The following SEC24A variants were observed in gnomAD, a reference collection of about 807,000 sequenced individuals.
The protein encoded by SEC24A is protein transport protein Sec24A.
SEC24A carries 93 observed loss-of-function variants against 129.4 expected under a neutral mutation model. The observed-to-expected ratio is 0.72, with a 90% CI of 0.61 to 0.85. The LOEUF (loss-of-function observed/expected upper bound fraction) is 0.85. Among genes scored for constraint, SEC24A ranks in the 40% least tolerant of loss-of-function variants. SEC24A has a pLI of 0.00. For synonymous variants in SEC24A, 460 were observed against 467.3 expected (o/e 0.98, Z 0.20); for missense variants, 1,264 against 1,307.4 (o/e 0.97, Z 0.51).
At chr5:134,709,201 A>C (rs964813770) in intron 18 of SEC24A, among the ~76,000 whole-genome samples, 5 of 152,030 alleles carry the variant, frequency 3.3e-5, no homozygotes, top group African/African-American at 1.2e-4. Context: ...ACAGAGCCAG[A>C]CTCTGTCTCA....
intron 22 of SEC24A, among the ~76,000 whole-genome samples, chr5:134,724,385 T>G (rs1036608746): frequency 3.0e-4 from 46 of 152,260 alleles, no homozygotes; most frequent in African/African-American, 1.1e-3. Context: ...GGTTGGGAGT[T>G]CGAGACCAGC....
At chr5:134,699,107 T>C (rs1251769557) in intron 15 of SEC24A, among the ~76,000 whole-genome samples, 1 of 151,710 alleles carries the variant, frequency 6.6e-6, no homozygotes, top group African/African-American at 2.4e-5. Context: ...TTATTTTTTA[T>C]TTTGTAGAGA....
intron 17 of SEC24A, among the ~76,000 whole-genome samples, chr5:134,706,339 A>C (rs1752160110): frequency 6.6e-6 from 1 of 152,216 alleles, no homozygotes; most frequent in African/African-American, 2.4e-5. Flanking sequence ...AAATCATGTG[A>C]GCCAATAGGA....
At chr5:134,692,212 C>T (rs1241453008) in intron 11 of SEC24A, among the ~76,000 whole-genome samples, 1 of 151,832 alleles carries the variant, frequency 6.6e-6, no homozygotes, top group East Asian at 1.9e-4. Flanking sequence ...ATGCCTGGCT[C>T]ATTTTTGTAC....
chr5:134,653,526 C>T (rs779125300), intron 1 of SEC24A, among the ~76,000 whole-genome samples: 10 of 152,088 alleles, frequency 6.6e-5, no homozygotes, highest in Non-Finnish European at 1.0e-4. Context: ...GCTAGGATTA[C>T]AGGCATGAGC....
At position 134,697,944 on chromosome 5, in the gene SEC24A, C is replaced by G. The variant is rs779769399; in HGVS notation, c.2153C>G (p.Ser718Cys). Residue 718 changes from serine (S) to cysteine (C), a missense_variant, in exon 15 of 23, where the codon TCT becomes TGT. Physicochemically the swap from Ser to Cys is moderately radical, Grantham distance 112. Transcript: ENST00000398844. ...GCAGGTAGTGTCTATTACTATCCCT[C>G]TTACCATCATCAGCACAACCCAGTC... Reference protein sequence around the residue: ...YSAGSVYYYPSYHHQHNPVQV... With the variant: ...YSAGSVYYYPCYHHQHNPVQV... 140 of 1,613,810 alleles carry G rather than the reference C, an allele frequency of 8.7e-5. No individual in the cohort carries two copies. The highest frequency in any genetic ancestry group is 1.1e-4 in the Non-Finnish European group (127 of 1,179,886).
chr5:134,683,715 A>G (rs1457904695), intron 9 of SEC24A, among the ~76,000 whole-genome samples: 3 of 152,154 alleles, frequency 2.0e-5, no homozygotes, highest in Admixed American at 6.6e-5. Flanking sequence ...GAGTCTCACT[A>G]TGTTGCTTAG....
intron 1 of SEC24A, among the ~76,000 whole-genome samples, chr5:134,654,109 T>A (rs527387592): frequency 1.5e-4 from 23 of 151,790 alleles, no homozygotes; most frequent in African/African-American, 3.9e-4. Flanking sequence ...CAATGAGCCA[T>A]GATCATGCCA....
At chr5:134,720,210 T>C (rs1362073327) in intron 20 of SEC24A, among the ~76,000 whole-genome samples, 1 of 152,230 alleles carries the variant, frequency 6.6e-6, no homozygotes, top group Admixed American at 6.5e-5. Context: ...AAGTGCCCTA[T>C]ACAGGTGTAC....
At position 134,679,647 on chromosome 5, in the gene SEC24A, T is replaced by C. The variant is rs1370180907; in HGVS notation, c.1300T>C (p.Cys434Arg). Residue 434 changes from cysteine (C) to arginine (R), a missense_variant, in exon 8 of 23, where the codon TGC (cysteine) becomes CGC (arginine). Transcript: ENST00000398844. ...TSSTIVRCRS[C>R]RTYINPFVSF... Reference sequence around the variant, plus strand: ...CAGTACAATTGTGAGATGCCGTTCATGCAGGACGTACATCAATCCTTTCGT... The same window carrying C: ...CAGTACAATTGTGAGATGCCGTTCACGCAGGACGTACATCAATCCTTTCGT... The C allele has an allele frequency of 1.9e-6, 3 of 1,600,108 alleles. No individual in the cohort carries two copies. Among genetic ancestry groups the C allele is most frequent in the Non-Finnish European group, 2.6e-6 (3 of 1,169,890 alleles).
At chr5:134,708,624 T>G in intron 17 of SEC24A, 89 bp from the exon 18 acceptor site, 1 of 1,187,394 alleles carries the variant, frequency 8.4e-7, no homozygotes, top group South Asian at 1.6e-5. Flanking sequence ...CTTGGTATAG[T>G]TTTTAAAAAT....
intron 5 of SEC24A, 100 bp from the exon 6 acceptor site, chr5:134,674,945 G>A (rs1296416269): frequency 3.4e-6 from 4 of 1,181,516 alleles, no homozygotes; most frequent in Non-Finnish European, 4.7e-6. Context: ...CAAAAGATTG[G>A]CCAAGAGATC....
Position 134,707,240 on chromosome 5 carries a change from A to G in SEC24A, c.2552-1473A>G, listed in dbSNP as rs77757733. 6.7e-3 allele frequency among the ~76,000 whole-genome samples: 1,018 copies of G among 152,302 alleles called. 9 individuals are homozygous for G. The highest frequency in any genetic ancestry group is 0.023 in the African/African-American group (963 of 41,570). The stretch of plus-strand genomic sequence containing the variant: ...AAAAATGTTTTACGTGGAGCCTGGT[A>G]AAGGATTTACCCACACTTTAGTCTT... On this transcript the variant is annotated intron_variant, in intron 17 of 22. Transcript: ENST00000398844.
At chr5:134,703,242 T>C (rs529295894) in intron 15 of SEC24A, among the ~76,000 whole-genome samples, 1 of 152,198 alleles carries the variant, frequency 6.6e-6, no homozygotes, top group East Asian at 1.9e-4. Context: ...TTTTGATAGA[T>C]ACTGCCAAAT....
At chr5:134,667,204 C>G (rs1326962107) in intron 3 of SEC24A, among the ~76,000 whole-genome samples, 3 of 151,992 alleles carry the variant, frequency 2.0e-5, no homozygotes, top group Admixed American at 6.6e-5. Context: ...GAAAAAAGCT[C>G]TTAGTGTTTT....
intron 9 of SEC24A, among the ~76,000 whole-genome samples, chr5:134,683,639 A>G (rs1263719795): frequency 1.3e-5 from 2 of 152,144 alleles, no homozygotes; most frequent in African/African-American, 4.8e-5. Context: ...TCAGCCTCCC[A>G]AGTAGCTGGG....
intron 17 of SEC24A, among the ~76,000 whole-genome samples, chr5:134,706,907 T>A (rs1241266749): frequency 1.3e-5 from 2 of 152,080 alleles, no homozygotes; most frequent in African/African-American, 4.8e-5. Flanking sequence ...GCCAGGATGG[T>A]CTCAATCTCT....
intron 18 of SEC24A, among the ~76,000 whole-genome samples, chr5:134,710,633 T>G (rs1484264424): frequency 1.3e-5 from 2 of 152,138 alleles, no homozygotes; most frequent in African/African-American, 2.4e-5. Context: ...AGTTTAAATG[T>G]TTGTAGGGTT....
chr5:134,724,704 A>G (rs1241837844), intron 22 of SEC24A, among the ~76,000 whole-genome samples: 1 of 152,206 alleles, frequency 6.6e-6, no homozygotes, highest in Non-Finnish European at 1.5e-5. Context: ...TGATCATGGA[A>G]GTGCAGACAT....
Sources: gnomAD v4.1 joint callset for allele counts (sites outside exome capture counted in the v4.1 genomes callset) on GRCh38, gnomAD v4.1.1 for gene constraint, MANE v1.5 for transcripts, NCBI Gene and HGNC (gene_info 2026-07-23, HGNC 2026-07-21) for gene names.